The following CARS1 variants were observed in gnomAD, a reference collection of about 807,000 sequenced individuals.
The protein encoded by CARS1 is cysteine--tRNA ligase, cytoplasmic.
In CARS1, 48 loss-of-function variants were observed where a neutral mutation model predicts 106.2. That is an observed-to-expected ratio of 0.45 (90% CI 0.36 to 0.57). The LOEUF is 0.57. Ranked by LOEUF, CARS1 falls within the 20% of genes least tolerant of loss-of-function variation. The probability of loss-of-function intolerance (pLI) is 0.00; values close to 1 mark genes in which losing one functional copy is unlikely to be tolerated. For missense variants in CARS1, 968 were observed against 1,057.2 expected (o/e 0.92, Z 1.17); for synonymous variants, 409 against 403.4 (o/e 1.01, Z -0.17).
rs1283296832 is a variant in CARS1, at chr11:3,040,098, G to C, written c.456-167C>G. 3.6e-6 allele frequency: 2 copies of C among 549,518 alleles called. No homozygotes were observed. The highest frequency in any genetic ancestry group is 3.9e-5 in the African/African-American group (2 of 51,246). The allele number at this position is 549,518 out of a possible 1,614,324, so 34.0% of individuals were successfully genotyped here. A position where few individuals can be genotyped will look rare whatever the true frequency, so the allele number is the denominator to read the frequency against. On this transcript the variant is annotated intron_variant, in intron 4 of 22. Transcript: ENST00000380525. This position sits in a 1 kb window ranked among gnomAD's most constrained non-coding sequence, Gnocchi z 5.8. Reference sequence around the variant, plus strand: ...TCCTCAGTCTACTCAACGTGAAGATGGCAAGGATGATGACCTTTATAATGA... The same window carrying C: ...TCCTCAGTCTACTCAACGTGAAGATCGCAAGGATGATGACCTTTATAATGA...
At position 3,004,250 on chromosome 11, in the gene CARS1, C is replaced by T. The variant is rs1006082685; in HGVS notation, c.2217+1116G>A. ...GCAGACCACTCACCACTGTCTAGAG[C>T]TTTCCCCAGAGTTCCAGTTCGTTAT... On this transcript the variant is annotated intron_variant, in intron 20 of 22. Coordinates refer to ENST00000380525, the MANE Select transcript of CARS1 (RefSeq NM_001014437.3). The surrounding 1 kb of genome is among the most constrained non-coding windows in gnomAD (Gnocchi z 5.2). 1.3e-5 allele frequency among the ~76,000 whole-genome samples: 2 copies of T among 152,224 alleles called. No individual in the cohort carries two copies. Among genetic ancestry groups the T allele is most frequent in the African/African-American group, 2.4e-5 (1 of 41,460 alleles).
chr11:3,036,100 G>T (rs1042820667), intron 7 of CARS1, among the ~76,000 whole-genome samples: 1 of 152,258 alleles, frequency 6.6e-6, no homozygotes, highest in African/African-American at 2.4e-5. Context: ...ACATGTGGCT[G>T]CATTTTTTTC....
Position 3,028,995 on chromosome 11 carries a change from C to T in CARS1, c.1031+1G>A, listed in dbSNP as rs764052858. 1 of 1,611,566 alleles carries T rather than the reference C, an allele frequency of 6.2e-7. No homozygotes were observed. The highest frequency in any genetic ancestry group is 1.1e-5 in the South Asian group (1 of 91,028). ...TCCCTAGGGAAGGCCCTTGTGCTTA[C>T]CCGTAACCGTTGTCCACAATCTTCT... On this transcript the variant is annotated splice_donor_variant, in intron 9 of 22. Coordinates refer to ENST00000380525, the MANE Select transcript of CARS1 (RefSeq NM_001014437.3). LOFTEE classifies it high-confidence loss of function. The surrounding 1 kb of genome is among the most constrained non-coding windows in gnomAD (Gnocchi z 4.4).
At chr11:3,054,827 TA>T in intron 1 of CARS1, 1 of 698,918 alleles carries the variant, frequency 1.4e-6, no homozygotes, top group South Asian at 1.5e-5. Flanking sequence ...GCTGTGTTAT[TA>T]TGAAGACCCT....
At position 3,046,226 on chromosome 11, in the gene CARS1, G is replaced by A. The variant is rs1855061664; in HGVS notation, c.274+1527C>T. Among the ~76,000 whole-genome samples, 1 of 150,922 alleles carries A rather than the reference G, an allele frequency of 6.6e-6. No individual in the cohort carries two copies. Among genetic ancestry groups the A allele is most frequent in the African/African-American group, 2.4e-5 (1 of 41,020 alleles). ...CTTCCTTCCTCTCACAGTGTGGATG[G>A]AGGCTTGCGTCTGTGCCGCTCTTTC... is the stretch of plus-strand genomic sequence containing the variant. On this transcript the variant is annotated intron_variant, in intron 2 of 22. Transcript: ENST00000380525. This position sits in a 1 kb window ranked among gnomAD's most constrained non-coding sequence, Gnocchi z 5.8.
chr11:3,049,853 C>A (rs1855478591), intron 1 of CARS1, among the ~76,000 whole-genome samples: 1 of 152,252 alleles, frequency 6.6e-6, no homozygotes, highest in Admixed American at 6.5e-5. Context: ...CACACAGCTT[C>A]TGAAAACAGA....
chr11:3,038,131 G>A lies in CARS1; in HGVS notation c.720C>T (p.His240=), dbSNP rs768265306. 173 of 1,613,864 alleles carry A rather than the reference G, an allele frequency of 1.1e-4. 1 individual carries two copies. Among genetic ancestry groups the A allele is most frequent in the Non-Finnish European group, 1.4e-4 (160 of 1,179,842 alleles). ...DKKQMLERIQ[H]AVQLATEPLE... ...GTGGCTCTGTGGCAAGCTGCACTGC[G>A]TGCTGAATCCGTTCGAGCATCTGCT... The change falls in exon 7 of 23, where the codon CAC becomes CAT. Residue 240 remains histidine, a synonymous_variant. Transcript: ENST00000380525. The surrounding 1 kb of genome is among the most constrained non-coding windows in gnomAD (Gnocchi z 4.0).
chr11:3,028,947 T>G lies in CARS1; in HGVS notation c.1031+49A>C. 1 of 1,278,858 alleles carries G rather than the reference T, an allele frequency of 7.8e-7. No individual in the cohort carries two copies. Among genetic ancestry groups the G allele is most frequent in the Non-Finnish European group, 1.1e-6 (1 of 875,470 alleles). 79.2% of individuals were successfully genotyped at this position (1,278,858 alleles called of 1,614,324 possible). ...CTCAGAGCTGGGGAGCTCCTCCCTGTGCGATGTTCTGCAGCCCTTCCCTCC... is the reference window on the plus strand; with the variant it reads ...CTCAGAGCTGGGGAGCTCCTCCCTGGGCGATGTTCTGCAGCCCTTCCCTCC... On this transcript the variant is annotated intron_variant, in intron 9 of 22. Coordinates refer to ENST00000380525, the MANE Select transcript of CARS1 (RefSeq NM_001014437.3). The surrounding 1 kb of genome is among the most constrained non-coding windows in gnomAD (Gnocchi z 4.4).
intron 21 of CARS1, 58 bp downstream of exon 21, chr11:3,002,483 T>C (rs1378019259): frequency 6.2e-7 from 1 of 1,606,510 alleles, no homozygotes; most frequent in Middle Eastern, 1.8e-4. Context: ...CCACAGGGCA[T>C]GGGGTCAGGG....
intron 18 of CARS1, 88 bp from the exon 19 acceptor site, chr11:3,007,047 G>C: frequency 1.9e-6 from 2 of 1,070,182 alleles, no homozygotes; most frequent in South Asian, 1.3e-5. Flanking sequence ...GGAAGGAGGG[G>C]CCGTGGCCCA....
chr11:3,018,338 C>T (rs1391148829), intron 14 of CARS1, 70 bp downstream of exon 14: 3 of 1,000,436 alleles, frequency 3.0e-6, no homozygotes, highest in Non-Finnish European at 4.7e-6. Flanking sequence ...CACCTATCAC[C>T]ACTGCACAAG....
At chr11:3,023,275 C>T (rs1352895629) in intron 10 of CARS1, among the ~76,000 whole-genome samples, 1 of 152,174 alleles carries the variant, frequency 6.6e-6, no homozygotes, top group Non-Finnish European at 1.5e-5. Context: ...TCCCTCCCGG[C>T]ATCTAAGTGT....
chr11:3,026,923 G>T (rs553153310), intron 9 of CARS1, 126 bp from the exon 10 acceptor site: 6 of 1,038,934 alleles, frequency 5.8e-6, no homozygotes, highest in Middle Eastern at 2.3e-4. Context: ...TACTCTCTGT[G>T]GTGGCCACTG....
At chr11:3,026,820 G>C (rs1852127761) in intron 9 of CARS1, 23 bp from the exon 10 acceptor site, 1 of 1,602,734 alleles carries the variant, frequency 6.2e-7, no homozygotes. Flanking sequence ...AAAGGAATTG[G>C]GTGGGTGCAT....
At chr11:3,024,734 C>A (rs1038769670) in intron 10 of CARS1, among the ~76,000 whole-genome samples, 1 of 152,186 alleles carries the variant, frequency 6.6e-6, no homozygotes, top group South Asian at 2.1e-4. Flanking sequence ...AGGTGTGGGT[C>A]GCCATGTCTG....
intron 1 of CARS1, among the ~76,000 whole-genome samples, chr11:3,051,373 G>A (rs913229162): frequency 1.3e-5 from 2 of 152,204 alleles, no homozygotes; most frequent in Non-Finnish European, 2.9e-5. Flanking sequence ...TGTCAGCACT[G>A]ACACTGCCGG....
intron 7 of CARS1, among the ~76,000 whole-genome samples, chr11:3,032,644 G>A (rs1055075485): frequency 2.0e-5 from 3 of 151,890 alleles, no homozygotes; most frequent in Admixed American, 6.6e-5. Context: ...AATTTTTTCC[G>A]ATCTGAAATG....
intron 7 of CARS1, chr11:3,031,640 G>A (rs1009323112): frequency 6.6e-6 from 1 of 152,184 alleles, no homozygotes; most frequent in Admixed American, 6.5e-5. Context: ...TTAGGTCATA[G>A]GGCAAACCAC....
At chr11:3,014,037 A>G (rs1234377482) in intron 17 of CARS1, among the ~76,000 whole-genome samples, 1 of 152,120 alleles carries the variant, frequency 6.6e-6, no homozygotes, top group East Asian at 1.9e-4. Flanking sequence ...CTGAGACCCA[A>G]TTCTGCATCT....
Sources: gnomAD v4.1 joint callset for allele counts (sites outside exome capture counted in the v4.1 genomes callset) on GRCh38, gnomAD v4.1.1 for gene constraint, Gnocchi (gnomAD v3.1) non-coding constraint, MANE v1.5 for transcripts, NCBI Gene and HGNC (gene_info 2026-07-23, HGNC 2026-07-21) for gene names.